Variants in TMEM108 observed in about 807,000 individuals in gnomAD.
TMEM108 encodes the protein transmembrane protein 108, also known as cancer/testis antigen 124.
Under a neutral mutation model 35.1 loss-of-function variants are expected in TMEM108, and 12 were observed. The ratio of observed to expected loss-of-function variants is 0.34; its 90% CI spans 0.22 to 0.55. The LOEUF (loss-of-function observed/expected upper bound fraction) is 0.55. Among genes scored for constraint, TMEM108 ranks in the 20% least tolerant of loss-of-function variants. The pLI is 0.89. For synonymous variants in TMEM108, 287 were observed against 308.6 expected (o/e 0.93, Z 0.73); for missense variants, 680 against 753.3 (o/e 0.90, Z 1.14).
intron 2 of TMEM108, among the ~76,000 whole-genome samples, chr3:133,053,294 A>G (rs1367460328): frequency 6.6e-6 from 1 of 152,226 alleles, no homozygotes; most frequent in East Asian, 1.9e-4. Flanking sequence ...TCTACATGAC[A>G]GTGATCTACT....
intron 2 of TMEM108, among the ~76,000 whole-genome samples, chr3:133,130,746 T>C (rs565851600): frequency 8.5e-5 from 13 of 152,294 alleles, no homozygotes; most frequent in South Asian, 2.1e-4. Context: ...TTGGAAGATA[T>C]AGACTGCTAC....
At chr3:133,232,711 C>T (rs928733575) in intron 3 of TMEM108, among the ~76,000 whole-genome samples, 21 of 152,198 alleles carry the variant, frequency 1.4e-4, no homozygotes, top group Non-Finnish European at 1.5e-5. Flanking sequence ...TAATTGTTTA[C>T]TTTTGTTACA....
chr3:133,065,188 AT>A (rs35487289), intron 2 of TMEM108, among the ~76,000 whole-genome samples: 8 of 151,946 alleles, frequency 5.3e-5, no homozygotes, highest in Middle Eastern at 3.4e-3. Context: ...TTGTCACTGC[AT>A]TTTTTTTAGC....
intron 4 of TMEM108, chr3:133,389,110 AC>A (rs1214624794): frequency 1.0e-6 from 1 of 985,224 alleles, no homozygotes; most frequent in East Asian, 1.1e-4. Flanking sequence ...GGCCTCTGTC[AC>A]CCTTGTCCTT....
At chr3:133,046,425 T>A (rs911197750) in intron 2 of TMEM108, among the ~76,000 whole-genome samples, 6 of 152,242 alleles carry the variant, frequency 3.9e-5, no homozygotes, top group African/African-American at 1.4e-4. Flanking sequence ...CTTCTTTGAT[T>A]ACTCTGCTTA....
intron 3 of TMEM108, among the ~76,000 whole-genome samples, chr3:133,319,211 G>T (rs1411959301): frequency 6.6e-6 from 1 of 152,098 alleles, no homozygotes; most frequent in African/African-American, 2.4e-5. Flanking sequence ...TCTGAGCTGG[G>T]TCCTGCCTAA....
rs1335973324 is a variant in TMEM108, at chr3:133,380,888, T to A, written c.1177T>A (p.Ser393Thr). Residue 393 changes from serine (S) to threonine (T), a missense_variant, in exon 4 of 6, where the codon TCA (serine) becomes ACA (threonine). Transcript: ENST00000321871. The surrounding 1 kb of genome is among the most constrained non-coding windows in gnomAD (Gnocchi z 5.3). ...AGCTCCAACCCATCCCTCCAGGGTC[T>A]CAGAAAGCACTATTTCTGGAGCCAA... Reference protein sequence around the residue: ...PQAPTHPSRVSESTISGAKEE... With the variant: ...PQAPTHPSRVTESTISGAKEE... 1 of 1,614,128 alleles carries A rather than the reference T, an allele frequency of 6.2e-7. No homozygotes were observed. The highest frequency in any genetic ancestry group is 8.5e-7 in the Non-Finnish European group (1 of 1,180,020).
At chr3:133,385,844 T>A (rs1055230151) in intron 4 of TMEM108, among the ~76,000 whole-genome samples, 1 of 152,212 alleles carries the variant, frequency 6.6e-6, no homozygotes, top group African/African-American at 2.4e-5. Flanking sequence ...AAAATGGGAC[T>A]CCTGTCCACT....
chr3:133,285,314 T>A (rs1406216609), intron 3 of TMEM108, among the ~76,000 whole-genome samples: 2 of 152,218 alleles, frequency 1.3e-5, no homozygotes, highest in Non-Finnish European at 2.9e-5. Context: ...GGTTTCCTCT[T>A]GTGTTTTAGA....
At chr3:133,270,444 C>T (rs1484004656) in intron 3 of TMEM108, among the ~76,000 whole-genome samples, 3 of 152,102 alleles carry the variant, frequency 2.0e-5, no homozygotes, top group Non-Finnish European at 2.9e-5. Flanking sequence ...AATTAAAACC[C>T]TGAGAGTTTG....
At chr3:133,052,518 C>G (rs1943417268) in intron 2 of TMEM108, among the ~76,000 whole-genome samples, 1 of 147,362 alleles carries the variant, frequency 6.8e-6, no homozygotes, top group African/African-American at 2.5e-5. Context: ...ATTGCATTAC[C>G]CAGGACTTCT....
At chr3:133,316,409 G>C (rs2071199757) in intron 3 of TMEM108, among the ~76,000 whole-genome samples, 1 of 152,068 alleles carries the variant, frequency 6.6e-6, no homozygotes, top group Non-Finnish European at 1.5e-5. Flanking sequence ...CAGTTGTAAG[G>C]GTATACACTG....
intron 2 of TMEM108, among the ~76,000 whole-genome samples, chr3:133,063,229 G>A (rs896056990): frequency 6.6e-6 from 1 of 152,090 alleles, no homozygotes; most frequent in Non-Finnish European, 1.5e-5. Flanking sequence ...TCATCTCTGT[G>A]GCTACTGAAT....
At chr3:133,254,758 C>T (rs1263223387) in intron 3 of TMEM108, among the ~76,000 whole-genome samples, 1 of 152,086 alleles carries the variant, frequency 6.6e-6, no homozygotes, top group South Asian at 2.1e-4. Flanking sequence ...ATAAAACAAC[C>T]ATGTATTATG....
intron 2 of TMEM108, among the ~76,000 whole-genome samples, chr3:133,160,302 G>C (rs942561234): frequency 4.6e-5 from 7 of 152,216 alleles, no homozygotes; most frequent in African/African-American, 1.7e-4. Flanking sequence ...GTGTTTCCTT[G>C]GTTAGTGGGT....
chr3:133,116,267 T>G (rs532330410), intron 2 of TMEM108, among the ~76,000 whole-genome samples: 11 of 152,220 alleles, frequency 7.2e-5, no homozygotes, highest in Non-Finnish European at 1.5e-4. Flanking sequence ...TCACAGTAAA[T>G]TTGATGTTTG....
chr3:133,074,520 T>G (rs1041046175), intron 2 of TMEM108, among the ~76,000 whole-genome samples: 1 of 152,144 alleles, frequency 6.6e-6, no homozygotes, highest in South Asian at 2.1e-4. Flanking sequence ...GACGAAGTCT[T>G]GCTCTGTTGC....
intron 2 of TMEM108, among the ~76,000 whole-genome samples, chr3:133,222,823 A>G (rs986689470): frequency 6.6e-6 from 1 of 151,414 alleles, no homozygotes; most frequent in Admixed American, 6.6e-5. Context: ...TCTGCACTTA[A>G]CTTCCTTCAT....
chr3:133,386,612 G>A, intron 4 of TMEM108: 1 of 1,438,826 alleles, frequency 7.0e-7, no homozygotes. Flanking sequence ...CAAGGAAATT[G>A]GGACTCCATG....
Sources: allele counts gnomAD v4.1 joint callset (sites outside exome capture counted in the v4.1 genomes callset), GRCh38; gene constraint gnomAD v4.1.1; non-coding constraint Gnocchi (gnomAD v3.1); transcripts MANE v1.5; gene names NCBI Gene and HGNC (gene_info 2026-07-23, HGNC 2026-07-21).